Variants in MSH4 observed in about 807,000 individuals in gnomAD.
MSH4 encodes mutS protein homolog 4.
Under a neutral mutation model 113.7 loss-of-function variants are expected in MSH4, and 106 were observed. That is an observed-to-expected ratio of 0.93 (90% confidence interval 0.80 to 1.10). The LOEUF is 1.10. MSH4 is among the 50% of genes least tolerant of loss of function. The probability of loss-of-function intolerance (pLI) is 0.00; values close to 1 mark genes in which losing one functional copy is unlikely to be tolerated. For missense variants in MSH4, 1,061 were observed against 1,093.7 expected (o/e 0.97, Z 0.42); for synonymous variants, 368 against 380.2 (o/e 0.97, Z 0.37).
At chr1:75,902,711 A>G (rs1323371870) in intron 19 of MSH4, among the ~76,000 whole-genome samples, 15 of 31,148 alleles carry the variant, frequency 4.8e-4, no homozygotes, top group Admixed American at 2.9e-3. Flanking sequence ...ATATATATAT[A>G]TATATATATA....
At chr1:75,805,436 G>T (rs1650039292) in intron 2 of MSH4, among the ~76,000 whole-genome samples, 1 of 145,580 alleles carries the variant, frequency 6.9e-6, no homozygotes, top group Admixed American at 7.0e-5. Flanking sequence ...TGCCCAGGCT[G>T]GAGTGCAGTG....
At chr1:75,894,610 A>G (rs1322195052) in intron 17 of MSH4, among the ~76,000 whole-genome samples, 1 of 152,204 alleles carries the variant, frequency 6.6e-6, no homozygotes, top group Non-Finnish European at 1.5e-5. Context: ...TGTATGTGTA[A>G]TGTTTCTGCC....
intron 19 of MSH4, among the ~76,000 whole-genome samples, chr1:75,909,553 A>G (rs1181483819): frequency 2.0e-5 from 3 of 151,606 alleles, no homozygotes; most frequent in African/African-American, 7.3e-5. Context: ...TACATGTGCC[A>G]TGGTGGTTTG....
intron 15 of MSH4, among the ~76,000 whole-genome samples, chr1:75,887,628 A>G (rs1409870032): frequency 6.6e-6 from 1 of 152,110 alleles, no homozygotes; most frequent in Non-Finnish European, 1.5e-5. Flanking sequence ...AAGTCAAAGT[A>G]TTGAGAAGGA....
In MSH4 at chr1:75,797,112, C is replaced by A; in HGVS notation, c.127C>A (p.Pro43Thr). The A allele has an allele frequency of 6.2e-7, 1 of 1,614,034 alleles. No individual in the cohort carries two copies. Among genetic ancestry groups the A allele is most frequent in the East Asian group, 2.2e-5 (1 of 44,874 alleles). ...FGLQETPQSR[P>T]SVQVVSASTC... ...ACTCCAGGAGACTCCACAGAGCCGC[C>A]CTTCGGTCCAGGTGGTCTCTGCATC... is the stretch of plus-strand genomic sequence containing the variant. The change falls in exon 1 of 20, where the codon CCT becomes ACT. Residue 43 changes from proline to threonine, a missense_variant. By Grantham distance (38) the Pro-to-Thr change is conservative (BLOSUM62 -1). Transcript: ENST00000263187.
chr1:75,838,377 C>T (rs564605033), intron 7 of MSH4, among the ~76,000 whole-genome samples: 29 of 152,294 alleles, frequency 1.9e-4, no homozygotes, highest in Non-Finnish European at 4.0e-4. Context: ...TAAGATTACA[C>T]TGGGGCCAAG....
chr1:75,822,787 TG>T (rs1423169116), intron 7 of MSH4, among the ~76,000 whole-genome samples: 2 of 150,336 alleles, frequency 1.3e-5, no homozygotes, highest in African/African-American at 4.9e-5. Flanking sequence ...ATTTCCTGTA[TG>T]CTTTTCTTTT....
At chr1:75,816,760 G>A (rs559603368) in intron 6 of MSH4, among the ~76,000 whole-genome samples, 43 of 152,050 alleles carry the variant, frequency 2.8e-4, no homozygotes, top group Non-Finnish European at 4.6e-4. Context: ...CCAAGTAGTT[G>A]GGACTACAGG....
Position 75,822,558 on chromosome 1 carries a change from A to G in MSH4, c.1139A>G (p.Glu380Gly), listed in dbSNP as rs777280643. 1.3e-6 allele frequency: 2 copies of G among 1,531,102 alleles called. No individual in the cohort carries two copies. The highest frequency in any genetic ancestry group is 4.9e-5 in the East Asian group (2 of 40,942). The allele number at this position is 1,531,102 out of a possible 1,614,324, so 94.8% of individuals were successfully genotyped here. Residue 380 changes from glutamate (E) to glycine (G), a missense_variant, in exon 7 of 20, where the codon GAA becomes GGA. By Grantham distance (98) the Glu-to-Gly change is moderately conservative. Coordinates refer to ENST00000263187, the MANE Select transcript of MSH4 (RefSeq NM_002440.4). The part of the protein sequence containing the change: ...DCVQELLQDE[E>G]LFFGLQSVIS... The stretch of plus-strand genomic sequence containing the variant: ...GTTCAAGAACTACTTCAAGATGAGG[A>G]ACTATTTTTTGGACTTCAATCAGGT...
Position 75,803,856 on chromosome 1 carries a change from A to C in MSH4, c.370A>C (p.Thr124Pro). 1 of 1,597,754 alleles carries C rather than the reference A, an allele frequency of 6.3e-7. No homozygotes were observed. Among genetic ancestry groups the C allele is most frequent in the Non-Finnish European group, 8.5e-7 (1 of 1,172,766 alleles). Residue 124 changes from threonine to proline, a missense_variant, in exon 2 of 20, where the codon ACT (threonine) becomes CCT (proline). Transcript: ENST00000263187. The stretch of plus-strand genomic sequence containing the variant: ...TCAAACACTTAAAACTCCATTGTCT[A>C]CTGGAAATCCTCAGAGATCAGGTTA... Reference protein sequence around the residue: ...YPQTLKTPLSTGNPQRSGYKS... With the variant: ...YPQTLKTPLSPGNPQRSGYKS...
intron 7 of MSH4, among the ~76,000 whole-genome samples, chr1:75,835,923 G>T (rs1451463233): frequency 6.6e-6 from 1 of 152,100 alleles, no homozygotes; most frequent in Non-Finnish European, 1.5e-5. Flanking sequence ...GATTGTCTTG[G>T]ATCCCTTTTA....
chr1:75,871,263 A>G (rs943160767), intron 9 of MSH4, among the ~76,000 whole-genome samples: 13 of 152,170 alleles, frequency 8.5e-5, no homozygotes, highest in African/African-American at 3.1e-4. Flanking sequence ...ACATTATTCA[A>G]TTACCTCCAT....
chr1:75,857,769 T>C (rs1051746749), intron 8 of MSH4, among the ~76,000 whole-genome samples: 1 of 152,244 alleles, frequency 6.6e-6, no homozygotes. Context: ...TGGTTCCATA[T>C]GAACTTTAAA....
chr1:75,816,476 G>A lies in MSH4; in HGVS notation c.919G>A (p.Glu307Lys), dbSNP rs1466844783. 1 of 1,610,632 alleles carries A rather than the reference G, an allele frequency of 6.2e-7. No homozygotes were observed. Among genetic ancestry groups the A allele is most frequent in the African/African-American group, 1.3e-5 (1 of 74,974 alleles). The change falls in exon 6 of 20, where the codon GAA becomes AAA. Residue 307 changes from glutamate to lysine, a missense_variant. Transcript: ENST00000263187. ...KSLKICFQGS[E>K]QTAMIDSSSA... The stretch of plus-strand genomic sequence containing the variant: ...ACTGAAGATTTGTTTCCAGGGTAGT[G>A]AACAGACAGCCATGATAGATTCATC...
chr1:75,846,144 C>G (rs1273160987), intron 7 of MSH4, among the ~76,000 whole-genome samples: 1 of 152,182 alleles, frequency 6.6e-6, no homozygotes, highest in Non-Finnish European at 1.5e-5. Flanking sequence ...TCACAAGCAC[C>G]TTGCTGGAAA....
Position 75,897,976 on chromosome 1 carries a change from A to G in MSH4, c.2425A>G (p.Asn809Asp). ...HIDALYPNVENMHFEVQHVKN... is the reference protein window; with the variant it reads ...HIDALYPNVEDMHFEVQHVKN... ...TGATGCCCTGTATCCTAATGTAGAA[A>G]ACATGCATTTTGAAGTTCAACATGT... The change falls in exon 18 of 20, where the codon AAC becomes GAC. Residue 809 changes from asparagine (N) to aspartate (D), a missense_variant. By Grantham distance (23) the Asn-to-Asp change is conservative. Coordinates refer to ENST00000263187, the MANE Select transcript of MSH4 (RefSeq NM_002440.4). 1 of 1,607,242 alleles carries G rather than the reference A, an allele frequency of 6.2e-7. No individual in the cohort carries two copies.
chr1:75,821,707 C>G (rs1340674702), intron 6 of MSH4, among the ~76,000 whole-genome samples: 2 of 152,182 alleles, frequency 1.3e-5, no homozygotes, highest in African/African-American at 4.8e-5. Flanking sequence ...CTCCTGGGCT[C>G]AAGCAATCCT....
At chr1:75,855,917 T>C (rs939436768) in intron 8 of MSH4, among the ~76,000 whole-genome samples, 1 of 152,200 alleles carries the variant, frequency 6.6e-6, no homozygotes, top group Non-Finnish European at 1.5e-5. Context: ...ATCATCAGAT[T>C]ATACCTGACA....
intron 18 of MSH4, among the ~76,000 whole-genome samples, chr1:75,898,799 A>G (rs1248861964): frequency 1.3e-5 from 2 of 152,176 alleles, no homozygotes; most frequent in African/African-American, 4.8e-5. Flanking sequence ...AGCTATGGAT[A>G]TGACCCTTTG....
Sources: gnomAD v4.1 joint callset for allele counts (sites outside exome capture counted in the v4.1 genomes callset) on GRCh38, gnomAD v4.1.1 for gene constraint, MANE v1.5 for transcripts, NCBI Gene and HGNC (gene_info 2026-07-23, HGNC 2026-07-21) for gene names.